Variants in CNTNAP2 observed in about 807,000 individuals in gnomAD.
CNTNAP2 encodes contactin associated protein 2.
CNTNAP2 carries 98 observed loss-of-function variants against 155.2 expected under a neutral mutation model. The ratio of observed to expected loss-of-function variants is 0.63; its 90% CI spans 0.54 to 0.75. CNTNAP2 has a LOEUF of 0.75. Among genes scored for constraint, CNTNAP2 ranks in the 30% least tolerant of loss-of-function variants. The probability of loss-of-function intolerance (pLI) is 0.00; values close to 1 mark genes in which losing one functional copy is unlikely to be tolerated. For missense variants in CNTNAP2, 1,727 were observed against 1,688.1 expected (o/e 1.02, Z -0.40); for synonymous variants, 651 against 631.2 (o/e 1.03, Z -0.47).
chr7:146,343,433 C>T (rs187611940), intron 1 of CNTNAP2, among the ~76,000 whole-genome samples: 11 of 152,102 alleles, frequency 7.2e-5, no homozygotes, highest in African/African-American at 2.2e-4. Flanking sequence ...TCATCTGATA[C>T]GTTCCGCCTT....
At chr7:147,329,824 C>A (rs2252658) in intron 9 of CNTNAP2, among the ~76,000 whole-genome samples, 85,542 of 151,530 alleles carry the variant, frequency 0.56, 24,459 homozygotes, top group African/African-American at 0.63. Flanking sequence ...TCCTTTGTCA[C>A]GGTGCACTTA....
intron 16 of CNTNAP2, among the ~76,000 whole-genome samples, chr7:148,127,332 G>A (rs140234010): frequency 6.6e-6 from 1 of 152,204 alleles, no homozygotes; most frequent in African/African-American, 2.4e-5. Context: ...TTTGTGAAGG[G>A]GATTTTTGGA....
At chr7:147,179,795 C>T (rs1414822822) in intron 8 of CNTNAP2, among the ~76,000 whole-genome samples, 3 of 151,872 alleles carry the variant, frequency 2.0e-5, no homozygotes, top group African/African-American at 7.3e-5. Flanking sequence ...AGGATAGATT[C>T]AAAACAAAAA....
chr7:147,587,359 G>A (rs1407365059), intron 12 of CNTNAP2, among the ~76,000 whole-genome samples: 1 of 152,176 alleles, frequency 6.6e-6, no homozygotes, highest in Admixed American at 6.5e-5. Flanking sequence ...ATAGCATAAA[G>A]TTGGTGAGCC....
chr7:148,024,157 T>TAAAAAAAAA (rs34591496), intron 15 of CNTNAP2, among the ~76,000 whole-genome samples: 2 of 107,628 alleles, frequency 1.9e-5, no homozygotes, highest in African/African-American at 3.6e-5. Context: ...CTTTAAAGTG[T>TAAAAAAAAA]AAAAAAAAAA....
chr7:147,690,842 A>G (rs192289666), intron 13 of CNTNAP2, among the ~76,000 whole-genome samples: 2 of 152,006 alleles, frequency 1.3e-5, no homozygotes, highest in Non-Finnish European at 2.9e-5. Context: ...TCTCCACTGT[A>G]CAGATGAAAA....
At chr7:147,255,300 C>T (rs978915311) in intron 8 of CNTNAP2, among the ~76,000 whole-genome samples, 1 of 152,202 alleles carries the variant, frequency 6.6e-6, no homozygotes, top group African/African-American at 2.4e-5. Flanking sequence ...CAACTCACTG[C>T]AACCTCCACC....
At chr7:148,381,487 T>C (rs1450425452) in intron 21 of CNTNAP2, 1 of 152,224 alleles carries the variant, frequency 6.6e-6, no homozygotes, top group Non-Finnish European at 1.5e-5. Flanking sequence ...TCTGGCCAGA[T>C]TCTTCTCTGA....
intron 21 of CNTNAP2, among the ~76,000 whole-genome samples, chr7:148,326,415 C>G (rs1007256836): frequency 6.6e-6 from 1 of 152,094 alleles, no homozygotes; most frequent in African/African-American, 2.4e-5. Flanking sequence ...TAATTCTACT[C>G]ATCCTTTTGG....
intron 15 of CNTNAP2, among the ~76,000 whole-genome samples, chr7:148,057,594 G>A (rs953986921): frequency 2.0e-5 from 3 of 152,134 alleles, no homozygotes; most frequent in Admixed American, 6.6e-5. Context: ...AATATTAATA[G>A]CATTTTAAGT....
chr7:146,252,147 T>G (rs1047608253), intron 1 of CNTNAP2, among the ~76,000 whole-genome samples: 5 of 152,114 alleles, frequency 3.3e-5, no homozygotes, highest in Admixed American at 6.6e-5. Context: ...TTGAAACCTT[T>G]TGCTTAATCA....
chr7:148,413,285 G>C (rs10480291), intron 23 of CNTNAP2, among the ~76,000 whole-genome samples: 43,284 of 148,740 alleles, frequency 0.29, 7,079 homozygotes, highest in African/African-American at 0.43. Context: ...CCAGCTACTC[G>C]GGAGGCTGAG....
intron 18 of CNTNAP2, among the ~76,000 whole-genome samples, chr7:148,187,458 G>A (rs753666863): frequency 6.6e-6 from 1 of 152,172 alleles, no homozygotes; most frequent in African/African-American, 2.4e-5. Flanking sequence ...ACTGATTGAT[G>A]GTTGCTGAAG....
intron 16 of CNTNAP2, among the ~76,000 whole-genome samples, chr7:148,122,830 C>G (rs1288434636): frequency 2.0e-5 from 3 of 149,032 alleles, no homozygotes; most frequent in Non-Finnish European, 4.4e-5. Flanking sequence ...GCCTGGGTGA[C>G]AGAGCACAGA....
At chr7:147,820,333 A>T (rs1384356135) in intron 13 of CNTNAP2, among the ~76,000 whole-genome samples, 4 of 151,298 alleles carry the variant, frequency 2.6e-5, no homozygotes, top group Admixed American at 2.0e-4. Flanking sequence ...TTTGTTGTTT[A>T]ATGTCTGTTT....
intron 1 of CNTNAP2, among the ~76,000 whole-genome samples, chr7:146,262,218 G>A (rs566906276): frequency 1.4e-4 from 22 of 152,160 alleles, no homozygotes; most frequent in African/African-American, 5.1e-4. Context: ...GCTAATAATC[G>A]TGAGAACAAA....
intron 1 of CNTNAP2, among the ~76,000 whole-genome samples, chr7:146,506,910 G>T (rs943028190): frequency 6.6e-6 from 1 of 152,178 alleles, no homozygotes; most frequent in Non-Finnish European, 1.5e-5. Flanking sequence ...GGAATGGGAG[G>T]TGCCTCTCTT....
At chr7:147,842,154 T>C (rs1359788105) in intron 13 of CNTNAP2, among the ~76,000 whole-genome samples, 3 of 152,358 alleles carry the variant, frequency 2.0e-5, no homozygotes, top group African/African-American at 4.8e-5. Flanking sequence ...ACTAGATACA[T>C]GATTATTCCC....
chr7:147,850,321 C>T (rs201131104), intron 13 of CNTNAP2, among the ~76,000 whole-genome samples: 274 of 152,270 alleles, frequency 1.8e-3, no homozygotes, highest in African/African-American at 5.4e-3. Flanking sequence ...GAATCAATAT[C>T]GTGAAAATGG....
Sources: allele counts gnomAD v4.1 joint callset (sites outside exome capture counted in the v4.1 genomes callset), GRCh38; gene constraint gnomAD v4.1.1; transcripts MANE v1.5; gene names NCBI Gene and HGNC (gene_info 2026-07-23, HGNC 2026-07-21).